The following SPAG9 variants were observed in gnomAD, a reference collection of about 807,000 sequenced individuals.
The protein encoded by SPAG9 is C-Jun-amino-terminal kinase-interacting protein 4.
SPAG9 carries 35 observed loss-of-function variants against 166.5 expected under a neutral mutation model. That is an observed-to-expected ratio of 0.21 (90% CI 0.16 to 0.28). The LOEUF (loss-of-function observed/expected upper bound fraction) is 0.28, where lower values mean the gene tolerates loss of function less well. Among genes scored for constraint, SPAG9 ranks in the 10% least tolerant of loss-of-function variants. The pLI, the probability that SPAG9 is intolerant of heterozygous loss-of-function variation, is 1.00. For synonymous variants in SPAG9, 534 were observed against 565.5 expected (o/e 0.94, Z 0.79); for missense variants, 1,235 against 1,603.3 (o/e 0.77, Z 3.92).
Position 51,096,022 on chromosome 17 carries a change from GATATATATATATAGTGAT to G in SPAG9, c.304-16336_304-16319del, listed in dbSNP as rs1568084108. On this transcript the variant is annotated intron_variant, in intron 1 of 29. Coordinates refer to ENST00000262013, the MANE Select transcript of SPAG9 (RefSeq NM_001130528.3). ...ATATATAGTGATATATATATATAGT[GATATATATATATAGTGAT>G]ATATATATATAGTGATATATATATA... is the stretch of plus-strand genomic sequence containing the variant. Among the ~76,000 whole-genome samples, 29 of 95,254 alleles carry G rather than the reference GATATATATATATAGTGAT, an allele frequency of 3.0e-4. 1 individual carries two copies. The highest frequency in any genetic ancestry group is 5.8e-4 in the African/African-American group (14 of 24,190). The allele number at this position is 95,254 out of a possible 152,430, so 62.5% of individuals were successfully genotyped here.
chr17:51,054,996 G>A (rs2047322263), intron 3 of SPAG9, among the ~76,000 whole-genome samples: 1 of 152,124 alleles, frequency 6.6e-6, no homozygotes, highest in Non-Finnish European at 1.5e-5. Context: ...ATGTGTGGTG[G>A]GGTTTTCTGT....
chr17:51,096,737 T>A (rs1245690841), intron 1 of SPAG9, among the ~76,000 whole-genome samples: 2 of 152,136 alleles, frequency 1.3e-5, no homozygotes, highest in African/African-American at 2.4e-5. Context: ...CATATGTATA[T>A]CAACATGGAC....
At chr17:51,063,211 C>G (rs1215480223) in intron 2 of SPAG9, among the ~76,000 whole-genome samples, 2 of 151,978 alleles carry the variant, frequency 1.3e-5, no homozygotes, top group Non-Finnish European at 2.9e-5. Context: ...GAGTTCAAGA[C>G]CAGCCTGGCC....
chr17:50,986,420 T>C (rs1485540017), intron 22 of SPAG9, among the ~76,000 whole-genome samples: 1 of 152,238 alleles, frequency 6.6e-6, no homozygotes, highest in Non-Finnish European at 1.5e-5. Flanking sequence ...TTGGGATTTC[T>C]GACTTTTTCA....
chr17:51,065,370 C>A (rs1181316081), intron 2 of SPAG9, among the ~76,000 whole-genome samples: 1 of 152,040 alleles, frequency 6.6e-6, no homozygotes, highest in Admixed American at 6.6e-5. Flanking sequence ...TGAAACCTAT[C>A]CCTTAACACA....
intron 6 of SPAG9, among the ~76,000 whole-genome samples, chr17:51,025,469 T>TA (rs11339659): frequency 0.026 from 3,776 of 144,850 alleles, 64 homozygotes; most frequent in Non-Finnish European, 0.039. Context: ...CAGTATTAAT[T>TA]AAAAAAAAAA....
chr17:50,977,322 A>AT, intron 26 of SPAG9, 101 bp from the exon 27 acceptor site: 1 of 735,238 alleles, frequency 1.4e-6, no homozygotes, highest in Non-Finnish European at 2.4e-6. Context: ...CAAAAAAAAA[A>AT]GAAAGAAAGT....
intron 1 of SPAG9, among the ~76,000 whole-genome samples, chr17:51,118,672 A>C (rs1057477439): frequency 1.6e-4 from 24 of 152,232 alleles, no homozygotes; most frequent in Non-Finnish European, 3.2e-4. Context: ...CTAACAAACA[A>C]GCGGAAATTG....
At chr17:51,100,438 CTACAAAAAT>C (rs1202678348) in intron 1 of SPAG9, among the ~76,000 whole-genome samples, 1 of 152,086 alleles carries the variant, frequency 6.6e-6, no homozygotes, top group Non-Finnish European at 1.5e-5. Context: ...GATCCTGTCT[CTACAAAAAT>C]TACAAAAATT....
In SPAG9 at chr17:50,966,362, A is replaced by T; in HGVS notation, c.3876T>A (p.Leu1292=). Reference sequence around the variant, plus strand: ...GTTCAAGTGGAAGATCCTCTCCAAGAAGTTCTGATTCTCCACCTTCATCAC... The same window carrying T: ...GTTCAAGTGGAAGATCCTCTCCAAGTAGTTCTGATTCTCCACCTTCATCAC... ...RMGDEGGESE[L]LGEDLPLEPS... is the part of the protein sequence containing the mutation. Residue 1292 remains leucine, a synonymous_variant, in exon 30 of 30, where the codon CTT becomes CTA. Coordinates refer to ENST00000262013, the MANE Select transcript of SPAG9 (RefSeq NM_001130528.3). 6.2e-7 allele frequency: 1 copy of T among 1,613,140 alleles called. No homozygotes were observed.
At chr17:51,054,716 G>A (rs1400175998) in intron 3 of SPAG9, among the ~76,000 whole-genome samples, 4 of 152,024 alleles carry the variant, frequency 2.6e-5, no homozygotes, top group African/African-American at 9.7e-5. Flanking sequence ...GATTACAGGT[G>A]TGAGCCACCG....
chr17:51,101,345 C>CAAAAA (rs60896400), intron 1 of SPAG9, among the ~76,000 whole-genome samples: 1 of 92,004 alleles, frequency 1.1e-5, no homozygotes, highest in African/African-American at 4.8e-5. Flanking sequence ...GATTCTGTCT[C>CAAAAA]AAAAAAAAAA....
At chr17:51,077,134 C>G (rs2048039430) in intron 2 of SPAG9, among the ~76,000 whole-genome samples, 1 of 151,702 alleles carries the variant, frequency 6.6e-6, no homozygotes, top group Admixed American at 6.6e-5. Flanking sequence ...AGCTATCTAT[C>G]TATTTCTTTG....
intron 6 of SPAG9, among the ~76,000 whole-genome samples, chr17:51,024,054 G>A (rs1360590212): frequency 6.6e-6 from 1 of 152,150 alleles, no homozygotes; most frequent in African/African-American, 2.4e-5. Flanking sequence ...CCGACATTTT[G>A]GGAGGCCCAG....
At chr17:50,967,801 C>A (rs1973472526) in intron 29 of SPAG9, among the ~76,000 whole-genome samples, 1 of 152,044 alleles carries the variant, frequency 6.6e-6, no homozygotes, top group Admixed American at 6.6e-5. Flanking sequence ...AAATGGACCC[C>A]CAAAAAAGAT....
At chr17:51,105,297 C>A (rs1361624807) in intron 1 of SPAG9, among the ~76,000 whole-genome samples, 1 of 152,012 alleles carries the variant, frequency 6.6e-6, no homozygotes, top group Non-Finnish European at 1.5e-5. Context: ...CAAGGAATTT[C>A]AAAGTCAAAC....
chr17:51,003,761 T>C (rs1248242765), intron 12 of SPAG9, among the ~76,000 whole-genome samples: 1 of 152,218 alleles, frequency 6.6e-6, no homozygotes, highest in African/African-American at 2.4e-5. Context: ...TGTTCTGTTA[T>C]AGAAACTGGG....
chr17:51,108,569 T>C (rs1025772392), intron 1 of SPAG9, among the ~76,000 whole-genome samples: 1 of 151,814 alleles, frequency 6.6e-6, no homozygotes, highest in African/African-American at 2.4e-5. Flanking sequence ...CAATCAGGGG[T>C]CATTGCAACC....
chr17:50,986,969 C>T, intron 22 of SPAG9, 143 bp downstream of exon 22: 1 of 713,730 alleles, frequency 1.4e-6, no homozygotes, highest in East Asian at 3.0e-5. Flanking sequence ...GTAGTTGCAA[C>T]ATAACATCAA....
Sources: gnomAD v4.1 joint callset for allele counts (sites outside exome capture counted in the v4.1 genomes callset) on GRCh38, gnomAD v4.1.1 for gene constraint, MANE v1.5 for transcripts, NCBI Gene and HGNC (gene_info 2026-07-23, HGNC 2026-07-21) for gene names.